MARCHF8: variants seen among roughly 807,000 people sequenced by gnomAD.
The protein encoded by MARCHF8 is E3 ubiquitin-protein ligase MARCHF8.
Under a neutral mutation model 51.6 loss-of-function variants are expected in MARCHF8, and 40 were observed. The observed-to-expected ratio is 0.77, with a 90% CI of 0.60 to 1.01. The LOEUF is 1.01. Among genes scored for constraint, MARCHF8 ranks in the 50% least tolerant of loss-of-function variants. MARCHF8 has a pLI of 0.00. For synonymous variants in MARCHF8, 263 were observed against 280.3 expected, an observed-to-expected ratio of 0.94 and a Z score of 0.62; for missense variants, 685 against 708.6, an observed-to-expected ratio of 0.97 and a Z score of 0.38.
At chr10:45,562,045 A>C (rs1349088302) in intron 1 of MARCHF8, among the ~76,000 whole-genome samples, 1 of 152,210 alleles carries the variant, frequency 6.6e-6, no homozygotes, top group Non-Finnish European at 1.5e-5. Flanking sequence ...ATTAAATAGC[A>C]TATTAGTCAC....
rs1426409341 is a variant in MARCHF8 at position 45,545,396 on chromosome 10, G to C, written c.-78-12107C>G. On this transcript the variant is annotated intron_variant, in intron 1 of 6. Coordinates refer to the MARCHF8 transcript ENST00000319836. Reference sequence around the variant, plus strand: ...AACACTGTTCTCTGTCTCAAATCCTGATCAAGTACCCTAGTGGAGATTTGG... The same window carrying C: ...AACACTGTTCTCTGTCTCAAATCCTCATCAAGTACCCTAGTGGAGATTTGG... Among the ~76,000 whole-genome samples, 3 of 152,284 alleles carry C rather than the reference G, an allele frequency of 2.0e-5. No individual in the cohort carries two copies. In the South Asian group the frequency reaches 6.2e-4, roughly 32 times the overall value.
chr10:45,512,355 T>G (rs1373865315), intron 2 of MARCHF8, among the ~76,000 whole-genome samples: 2 of 132,302 alleles, frequency 1.5e-5, no homozygotes, highest in African/African-American at 3.0e-5. Flanking sequence ...GAGGTGGGGG[T>G]CAGCCCCCGC....
At chr10:45,470,366 A>G (rs547560557) in intron 3 of MARCHF8, among the ~76,000 whole-genome samples, 27 of 152,276 alleles carry the variant, frequency 1.8e-4, no homozygotes, top group African/African-American at 6.3e-4. Flanking sequence ...GGCAGGCCAC[A>G]TGCATCTGCA....
chr10:45,538,917 A>C (rs562636849), upstream of MARCHF8, among the ~76,000 whole-genome samples: 5 of 152,334 alleles, frequency 3.3e-5, no homozygotes, highest in South Asian at 1.0e-3. Context: ...AACGAGACAG[A>C]AAGTTAACAA....
At chr10:45,491,760 A>G (rs1413280608) in intron 2 of MARCHF8, among the ~76,000 whole-genome samples, 1 of 152,200 alleles carries the variant, frequency 6.6e-6, no homozygotes, top group Non-Finnish European at 1.5e-5. Context: ...ATTTTAGTGT[A>G]GTCTACTAAG....
At chr10:45,492,294 CTTCT>C (rs1589115827) in intron 2 of MARCHF8, among the ~76,000 whole-genome samples, 1 of 151,126 alleles carries the variant, frequency 6.6e-6, no homozygotes, top group South Asian at 2.1e-4. Flanking sequence ...TCTTCTTCTT[CTTCT>C]TTTTTTTTTT....
chr10:45,514,729 G>A (rs750957362), intron 2 of MARCHF8, among the ~76,000 whole-genome samples: 1 of 152,238 alleles, frequency 6.6e-6, no homozygotes, highest in Non-Finnish European at 1.5e-5. Context: ...GTCAATGACA[G>A]TAAATGTTAC....
chr10:45,467,624 T>C (rs1843011484), intron 3 of MARCHF8, among the ~76,000 whole-genome samples: 1 of 152,144 alleles, frequency 6.6e-6, no homozygotes, highest in African/African-American at 2.4e-5. Flanking sequence ...GAAGCCAGTG[T>C]AATCAAAGGC....
chr10:45,455,170 C>T lies in MARCHF8; in HGVS notation c.*3069G>A, dbSNP rs1451812856. The T allele has an allele frequency of 1.3e-5, 2 of 152,274 alleles. No homozygotes were observed. The highest frequency in any genetic ancestry group is 2.4e-5 in the African/African-American group (1 of 41,456). The allele number at this position is 152,274 out of a possible 1,614,324, so 9.4% of individuals were successfully genotyped here. The stretch of plus-strand genomic sequence containing the variant: ...GGCCCAGCTGCCTGAGGCCTGCATG[C>T]CTGTGGCCAGGTAGGACACATGTGC... On this transcript the variant is annotated 3_prime_UTR_variant, in exon 8 of 8. Transcript: ENST00000453424.
intron 2 of MARCHF8, among the ~76,000 whole-genome samples, chr10:45,505,939 T>C (rs1354364312): frequency 3.9e-5 from 6 of 152,236 alleles, no homozygotes; most frequent in Admixed American, 2.0e-4. Flanking sequence ...ATTTCAGAAT[T>C]GAAGTCATAA....
At chr10:45,568,793 G>A (rs1042822769) in intron 1 of MARCHF8, among the ~76,000 whole-genome samples, 4 of 151,266 alleles carry the variant, frequency 2.6e-5, no homozygotes, top group African/African-American at 9.7e-5. Context: ...AACAAGCCGG[G>A]TGTGCTGGCT....
At position 45,455,438 on chromosome 10, in the gene MARCHF8, C is replaced by G. The variant is rs1025205344; in HGVS notation, c.*2801G>C. 1.3e-5 allele frequency: 2 copies of G among 152,214 alleles called. No homozygotes were observed. Among genetic ancestry groups the G allele is most frequent in the African/African-American group, 4.8e-5 (2 of 41,388 alleles). The allele number at this position is 152,214 out of a possible 1,614,324, so 9.4% of individuals were successfully genotyped here. ...TACCCCAGACCACTTGCCTCTTCCCCTTCCCTGGCCTACAAATACCAGGCC... is the reference window on the plus strand; with the variant it reads ...TACCCCAGACCACTTGCCTCTTCCCGTTCCCTGGCCTACAAATACCAGGCC... On this transcript the variant is annotated 3_prime_UTR_variant, in exon 8 of 8. Transcript: ENST00000453424.
chr10:45,579,230 T>C (rs2044524965), intron 1 of MARCHF8, among the ~76,000 whole-genome samples: 1 of 151,792 alleles, frequency 6.6e-6, no homozygotes, highest in Admixed American at 6.6e-5. Context: ...GGGGAAAGAG[T>C]GATAAAGCTA....
At chr10:45,502,913 C>T (rs1279066097) in intron 2 of MARCHF8, among the ~76,000 whole-genome samples, 2 of 152,122 alleles carry the variant, frequency 1.3e-5, no homozygotes, top group African/African-American at 2.4e-5. Context: ...TGATTCTTTA[C>T]ATTTGACGGC....
At chr10:45,505,740 A>G (rs572126542) in intron 2 of MARCHF8, among the ~76,000 whole-genome samples, 1 of 152,160 alleles carries the variant, frequency 6.6e-6, no homozygotes, top group African/African-American at 2.4e-5. Flanking sequence ...AAAAATCTCT[A>G]ATCTTTGTGA....
At chr10:45,517,515 C>A (rs1036077614) in intron 2 of MARCHF8, among the ~76,000 whole-genome samples, 1 of 152,134 alleles carries the variant, frequency 6.6e-6, no homozygotes, top group Non-Finnish European at 1.5e-5. Flanking sequence ...TGGCACCTCC[C>A]CAGACCTCTT....
intron 2 of MARCHF8, among the ~76,000 whole-genome samples, chr10:45,519,648 A>ATAT (rs1298074871): frequency 6.6e-6 from 1 of 152,242 alleles, no homozygotes; most frequent in Non-Finnish European, 1.5e-5. Flanking sequence ...GCATCGTAAA[A>ATAT]TATTAATCTC....
Position 45,488,042 on chromosome 10 carries a change from A to G in MARCHF8, c.153+1325T>C, listed in dbSNP as rs142115781. On this transcript the variant is annotated intron_variant, in intron 3 of 7. Coordinates refer to ENST00000453424, the MANE Select transcript of MARCHF8 (RefSeq NM_001282866.2). ...TCAATGTGTGGGCTGAGAGAGGAGC[A>G]CTGCCTGGAAGCAAGCTCACTGCAT... is the stretch of plus-strand genomic sequence containing the variant. 2.5e-3 allele frequency among the ~76,000 whole-genome samples: 383 copies of G among 152,258 alleles called. 2 individuals are homozygous for G. Among genetic ancestry groups the G allele is most frequent in the African/African-American group, 8.6e-3 (359 of 41,542 alleles).
chr10:45,498,728 G>A lies in MARCHF8; in HGVS notation c.103-9311C>T, dbSNP rs192238053. 5.3e-5 allele frequency among the ~76,000 whole-genome samples: 8 copies of A among 152,256 alleles called. No individual in the cohort carries two copies. The East Asian group carries it at 1.4e-3, about 26-fold the overall frequency. ...TGACCTCAGGTGATCCTCCCTCCTC[G>A]GCCTCCCAAAGTGCTAGAATAACAG... On this transcript the variant is annotated intron_variant, in intron 2 of 7. Transcript: ENST00000453424.
Sources: gnomAD v4.1 joint callset for allele counts (sites outside exome capture counted in the v4.1 genomes callset) on GRCh38, gnomAD v4.1.1 for gene constraint, MANE v1.5 for transcripts, NCBI Gene and HGNC (gene_info 2026-07-23, HGNC 2026-07-21) for gene names.